The following RSRC1 variants were observed in gnomAD, a reference collection of about 807,000 sequenced individuals.
RSRC1 encodes the protein arginine and serine rich coiled-coil 1.
A neutral mutation model predicts 49.1 loss-of-function variants in RSRC1; 39 were observed. The ratio of observed to expected loss-of-function variants is 0.79; its 90% CI spans 0.61 to 1.04. The LOEUF (loss-of-function observed/expected upper bound fraction) is 1.04. Ranked by LOEUF, RSRC1 falls within the 50% of genes least tolerant of loss-of-function variation. The pLI is 0.00. For missense variants in RSRC1, 388 were observed against 402.4 expected, an observed-to-expected ratio of 0.96 and a Z score of 0.31; for synonymous variants, 143 against 130.8, an observed-to-expected ratio of 1.09 and a Z score of -0.63.
intron 6 of RSRC1, among the ~76,000 whole-genome samples, chr3:158,431,394 C>CT (rs936853368): frequency 2.0e-5 from 3 of 151,646 alleles, no homozygotes; most frequent in African/African-American, 4.8e-5. Context: ...CCCAGATTTT[C>CT]TTTTTTTGAA....
chr3:158,466,398 A>G (rs1160379804), intron 7 of RSRC1, among the ~76,000 whole-genome samples: 1 of 152,176 alleles, frequency 6.6e-6, no homozygotes, highest in African/African-American at 2.4e-5. Context: ...TACTGATTTA[A>G]ATATATTCTG....
chr3:158,374,118 A>G (rs1199435477), intron 6 of RSRC1, among the ~76,000 whole-genome samples: 4 of 152,030 alleles, frequency 2.6e-5, no homozygotes, highest in African/African-American at 9.7e-5. Flanking sequence ...TGTTTTTTGA[A>G]TACAAGGGGG....
intron 3 of RSRC1, among the ~76,000 whole-genome samples, chr3:158,156,114 A>G (rs1278494543): frequency 6.6e-6 from 1 of 152,156 alleles, no homozygotes; most frequent in Non-Finnish European, 1.5e-5. Flanking sequence ...CACCTTCATC[A>G]GTTATCTTAG....
chr3:158,165,932 A>G (rs963895029), intron 3 of RSRC1, among the ~76,000 whole-genome samples: 9 of 152,172 alleles, frequency 5.9e-5, no homozygotes, highest in African/African-American at 2.2e-4. Context: ...GAAAGTTTCT[A>G]CTCAAGGACA....
intron 6 of RSRC1, among the ~76,000 whole-genome samples, chr3:158,433,678 G>GAAT (rs1735895735): frequency 6.6e-6 from 1 of 151,874 alleles, no homozygotes; most frequent in African/African-American, 2.4e-5. Context: ...AGCCCAGATT[G>GAAT]AATAATAATG....
intron 4 of RSRC1, among the ~76,000 whole-genome samples, chr3:158,276,744 T>C (rs77521249): frequency 0.027 from 4,053 of 152,320 alleles, 165 homozygotes; most frequent in African/African-American, 0.093. Flanking sequence ...TCTCAACTTT[T>C]AGATTTAGCT....
At chr3:158,355,944 A>G (rs1434711971) in intron 6 of RSRC1, among the ~76,000 whole-genome samples, 4 of 151,786 alleles carry the variant, frequency 2.6e-5, no homozygotes, top group African/African-American at 9.7e-5. Context: ...TTTTTCCTAT[A>G]CATACATACC....
At chr3:158,261,584 T>TG (rs1287741039) in intron 4 of RSRC1, among the ~76,000 whole-genome samples, 7 of 152,206 alleles carry the variant, frequency 4.6e-5, no homozygotes, top group African/African-American at 1.7e-4. Flanking sequence ...AGGTGAGTTG[T>TG]GGAGTAGCAA....
intron 1 of RSRC1, among the ~76,000 whole-genome samples, chr3:158,116,934 G>T (rs1453477039): frequency 1.3e-5 from 2 of 152,196 alleles, no homozygotes; most frequent in Non-Finnish European, 2.9e-5. Flanking sequence ...GTTGTCTGTT[G>T]TGATACTCTT....
At chr3:158,226,055 AG>A (rs1722512990) in intron 4 of RSRC1, among the ~76,000 whole-genome samples, 2 of 151,774 alleles carry the variant, frequency 1.3e-5, no homozygotes, top group African/African-American at 2.4e-5. Flanking sequence ...GGCTTGTGGG[AG>A]GGTCCCCATT....
At chr3:158,246,713 A>G (rs1036566810) in intron 4 of RSRC1, among the ~76,000 whole-genome samples, 9 of 152,074 alleles carry the variant, frequency 5.9e-5, no homozygotes, top group Admixed American at 5.9e-4. Context: ...TTGCCCCCCT[A>G]TCTTTTCTGG....
At chr3:158,205,445 A>G (rs1304372095) in intron 4 of RSRC1, among the ~76,000 whole-genome samples, 1 of 152,138 alleles carries the variant, frequency 6.6e-6, no homozygotes, top group African/African-American at 2.4e-5. Context: ...AGTCAACAGT[A>G]TTTAAATGCC....
chr3:158,115,078 T>G (rs1001308864), intron 1 of RSRC1, among the ~76,000 whole-genome samples: 4 of 152,144 alleles, frequency 2.6e-5, no homozygotes, highest in Non-Finnish European at 5.9e-5. Context: ...CTTGTGCTGG[T>G]TTTCAAGAGG....
chr3:158,283,740 A>G (rs773816090), intron 4 of RSRC1, among the ~76,000 whole-genome samples: 52 of 152,304 alleles, frequency 3.4e-4, no homozygotes, highest in Non-Finnish European at 6.3e-4. Context: ...GCAAGGCTTT[A>G]CGTGTATTGT....
intron 8 of RSRC1, among the ~76,000 whole-genome samples, chr3:158,541,910 A>G (rs1713052412): frequency 6.6e-6 from 1 of 152,170 alleles, no homozygotes; most frequent in Non-Finnish European, 1.5e-5. Context: ...CAAGGCAGAA[A>G]CAATGATTTA....
chr3:158,395,540 A>C (rs777680090), intron 6 of RSRC1, among the ~76,000 whole-genome samples: 13 of 152,174 alleles, frequency 8.5e-5, no homozygotes, highest in Non-Finnish European at 1.5e-4. Flanking sequence ...ACTTTTTAAA[A>C]GAAGACATAC....
chr3:158,236,128 AGG>A (rs746144416), intron 4 of RSRC1, among the ~76,000 whole-genome samples: 1 of 147,124 alleles, frequency 6.8e-6, no homozygotes, highest in East Asian at 2.0e-4. Flanking sequence ...AAAAAAAAAA[AGG>A]AAGAAGAAAA....
chr3:158,507,394 C>T (rs942574853), intron 7 of RSRC1, among the ~76,000 whole-genome samples: 1 of 151,874 alleles, frequency 6.6e-6, no homozygotes, highest in Non-Finnish European at 1.5e-5. Flanking sequence ...TTCTAATGTT[C>T]CCAACACAAA....
chr3:158,446,764 A>G (rs1319784340), intron 6 of RSRC1, among the ~76,000 whole-genome samples: 1 of 151,972 alleles, frequency 6.6e-6, no homozygotes, highest in Non-Finnish European at 1.5e-5. Context: ...TGCTTAATTC[A>G]TCCTTCATGT....
Sources: gnomAD v4.1 joint callset for allele counts (sites outside exome capture counted in the v4.1 genomes callset) on GRCh38, gnomAD v4.1.1 for gene constraint, MANE v1.5 for transcripts, NCBI Gene and HGNC (gene_info 2026-07-23, HGNC 2026-07-21) for gene names.